Variants in USP7 observed in about 807,000 individuals in gnomAD.
USP7 encodes the protein ubiquitin C-terminal hydrolase 7.
A neutral mutation model predicts 162.9 loss-of-function variants in USP7; 9 were observed. That is an observed-to-expected ratio of 0.06 (90% CI 0.03 to 0.10). USP7 has a LOEUF of 0.10. Ranked by LOEUF, USP7 falls within the 10% of genes least tolerant of loss-of-function variation. The probability of loss-of-function intolerance (pLI) is 1.00; values close to 1 mark genes in which losing one functional copy is unlikely to be tolerated. For missense variants in USP7, 715 were observed against 1,373.7 expected, an observed-to-expected ratio of 0.52 and a Z score of 7.58; for synonymous variants, 562 against 475.9, an observed-to-expected ratio of 1.18 and a Z score of -2.35.
At chr16:8,917,738 GC>G (rs1296141042) in intron 6 of USP7, among the ~76,000 whole-genome samples, 1 of 151,976 alleles carries the variant, frequency 6.6e-6, no homozygotes, top group Non-Finnish European at 1.5e-5. Flanking sequence ...AACAAAATCA[GC>G]CCCCAGAGAA....
chr16:8,894,526 C>G (rs761215752), intron 30 of USP7, 24 bp downstream of exon 30: 3 of 1,496,164 alleles, frequency 2.0e-6, no homozygotes, highest in Middle Eastern at 2.4e-4. Context: ...CCACACCAGC[C>G]CCCGGGGGGG....
At chr16:8,958,266 G>T (rs1899886587) in intron 1 of USP7, among the ~76,000 whole-genome samples, 1 of 152,208 alleles carries the variant, frequency 6.6e-6, no homozygotes, top group African/African-American at 2.4e-5. Flanking sequence ...GGGGAAAGGT[G>T]GCCCCTGGGT....
intron 1 of USP7, among the ~76,000 whole-genome samples, chr16:8,951,791 C>A (rs1484859395): frequency 6.6e-6 from 1 of 152,232 alleles, no homozygotes; most frequent in Admixed American, 6.5e-5. Flanking sequence ...ATGATTCATT[C>A]AGCTCAGGAT....
At chr16:8,955,829 T>C (rs1280669459) in intron 1 of USP7, among the ~76,000 whole-genome samples, 4 of 152,140 alleles carry the variant, frequency 2.6e-5, no homozygotes, top group African/African-American at 9.7e-5. Context: ...ACAGCTTTTT[T>C]AAGGGGCTGT....
At chr16:8,908,744 T>C (rs1173917729) in intron 11 of USP7, among the ~76,000 whole-genome samples, 2 of 152,250 alleles carry the variant, frequency 1.3e-5, no homozygotes, top group Non-Finnish European at 2.9e-5. Flanking sequence ...TAAGGAAATT[T>C]AGACAGTCAT....
intron 1 of USP7, among the ~76,000 whole-genome samples, chr16:8,953,198 T>A (rs1403692325): frequency 6.6e-6 from 1 of 151,938 alleles, no homozygotes; most frequent in Non-Finnish European, 1.5e-5. Context: ...AGGCTCCCCC[T>A]CCCCGCGGTA....
In USP7 at chr16:8,892,974, G is replaced by A. The variant is rs1012295835; in HGVS notation, c.*1024C>T. ...GCTGGCATTAGCTCCAAAATAAAAG[G>A]AAACGGGGCTGGGACCGAAATAAAA... On this transcript the variant is annotated 3_prime_UTR_variant, in exon 31 of 31. Coordinates refer to ENST00000344836, the MANE Select transcript of USP7 (RefSeq NM_003470.3). The A allele has an allele frequency of 6.6e-6, 1 of 152,122 alleles. No individual in the cohort carries two copies. Among genetic ancestry groups the A allele is most frequent in the Non-Finnish European group, 1.5e-5 (1 of 68,018 alleles). The allele number at this position is 152,122 out of a possible 1,614,324, so 9.4% of individuals were successfully genotyped here.
At position 8,913,885 on chromosome 16, in the gene USP7, A is replaced by C. The variant is rs575339461; in HGVS notation, c.1078+1369T>G. ...CCCACCTCAGCCTCAAGTAGCTGGGACTACAGGTGCATGCCACCACGCCCA... is the reference window on the plus strand; with the variant it reads ...CCCACCTCAGCCTCAAGTAGCTGGGCCTACAGGTGCATGCCACCACGCCCA... On this transcript the variant is annotated intron_variant, in intron 10 of 30. Coordinates refer to ENST00000344836, the MANE Select transcript of USP7 (RefSeq NM_003470.3). Among the ~76,000 whole-genome samples the C allele has an allele frequency of 3.9e-5, 6 of 151,930 alleles. No individual in the cohort carries two copies. The South Asian group carries it at 1.2e-3, about 31-fold the overall frequency.
At chr16:8,921,414 T>C (rs1014513360) in intron 3 of USP7, 119 bp from the exon 4 acceptor site, 2 of 1,209,224 alleles carry the variant, frequency 1.7e-6, no homozygotes, top group Admixed American at 2.6e-5. Flanking sequence ...CTCTCTCCTT[T>C]CGGGTTGGGG....
chr16:8,959,224 C>T (rs753139245), intron 1 of USP7, among the ~76,000 whole-genome samples: 50 of 152,252 alleles, frequency 3.3e-4, no homozygotes, highest in Non-Finnish European at 6.0e-4. Context: ...TTAGGTCCCA[C>T]AGCAATTAGA....
At chr16:8,944,298 G>C (rs981827049) in intron 1 of USP7, among the ~76,000 whole-genome samples, 1 of 152,144 alleles carries the variant, frequency 6.6e-6, no homozygotes, top group Non-Finnish European at 1.5e-5. Flanking sequence ...CTGAGAGAGG[G>C]GGTGCAACAG....
chr16:8,926,259 C>T (rs988253979), intron 2 of USP7, among the ~76,000 whole-genome samples: 2 of 151,942 alleles, frequency 1.3e-5, no homozygotes, highest in African/African-American at 4.8e-5. Flanking sequence ...GGGCGGATAA[C>T]CTGAGGTCAG....
chr16:8,948,425 T>C (rs1387730929), intron 1 of USP7, among the ~76,000 whole-genome samples: 1 of 152,148 alleles, frequency 6.6e-6, no homozygotes, highest in African/African-American at 2.4e-5. Flanking sequence ...GCTCAAGCTA[T>C]CCACCGGCCT....
intron 22 of USP7, 111 bp from the exon 23 acceptor site, chr16:8,899,299 T>C (rs1367706307): frequency 1.9e-6 from 2 of 1,039,794 alleles, no homozygotes; most frequent in Non-Finnish European, 2.9e-6. Flanking sequence ...TTAAATTCCC[T>C]AGAAATTTAT....
rs1172250891 is a variant in USP7, at chr16:8,904,789, AAAAT to A, written c.1574-228_1574-225del. On this transcript the variant is annotated intron_variant, in intron 14 of 30. Coordinates refer to ENST00000344836, the MANE Select transcript of USP7 (RefSeq NM_003470.3). The stretch of plus-strand genomic sequence containing the variant: ...AACCCCATCTCTACTACTAAAAAAA[AAAAT>A]AAAATAAAAATAAAATAAAATACAA... 4.4e-4 allele frequency among the ~76,000 whole-genome samples: 66 copies of A among 150,896 alleles called. 1 individual carries two copies. The highest frequency in any genetic ancestry group is 7.5e-4 in the Non-Finnish European group (51 of 67,684).
Position 8,916,490 on chromosome 16 carries a change from C to G in USP7, c.906+12G>C. 1 of 1,607,168 alleles carries G rather than the reference C, an allele frequency of 6.2e-7. No homozygotes were observed. The highest frequency in any genetic ancestry group is 8.5e-7 in the Non-Finnish European group (1 of 1,177,834). ...CATTGTAAGAAATATACAAGTATTG[C>G]TTGAAACTTACCACTCGACAAAGCT... On this transcript the variant is annotated intron_variant, in intron 8 of 30. Transcript: ENST00000344836.
rs113676052 is a variant in USP7 at position 8,899,208 on chromosome 16, G to T, written c.2464-20C>A. 3.5e-4 allele frequency: 557 copies of T among 1,612,476 alleles called. 2 individuals are homozygous for T. In the African/African-American group the frequency reaches 6.1e-3, roughly 18 times the overall value. ...TGCAACCTAAGACACAGAAAGGAAG[G>T]TTCACATTTTGGGGAAAAATTGAAA... On this transcript the variant is annotated intron_variant, in intron 22 of 30. Coordinates refer to ENST00000344836, the MANE Select transcript of USP7 (RefSeq NM_003470.3).
chr16:8,934,524 T>C (rs1216282564), intron 1 of USP7, among the ~76,000 whole-genome samples: 1 of 152,216 alleles, frequency 6.6e-6, no homozygotes, highest in African/African-American at 2.4e-5. Flanking sequence ...TTAATTGCAG[T>C]GTGATGACTA....
intron 1 of USP7, among the ~76,000 whole-genome samples, chr16:8,936,971 C>T (rs891771676): frequency 5.9e-5 from 9 of 152,236 alleles, no homozygotes; most frequent in Non-Finnish European, 1.2e-4. Context: ...CGCTGGGGGG[C>T]ACACAGGCGC....
Sources: gnomAD v4.1 joint callset for allele counts (sites outside exome capture counted in the v4.1 genomes callset) on GRCh38, gnomAD v4.1.1 for gene constraint, MANE v1.5 for transcripts, NCBI Gene and HGNC (gene_info 2026-07-23, HGNC 2026-07-21) for gene names.